The following ST18 variants were observed in gnomAD, a reference collection of about 807,000 sequenced individuals.
ST18 encodes suppression of tumorigenicity 18 protein.
In ST18, 50 loss-of-function variants were observed where a neutral mutation model predicts 110.0. The observed-to-expected ratio is 0.45, with a 90% confidence interval of 0.36 to 0.58. The LOEUF (loss-of-function observed/expected upper bound fraction) is 0.58, where lower values mean the gene tolerates loss of function less well. Ranked by LOEUF, ST18 falls within the 20% of genes least tolerant of loss-of-function variation. ST18 has a pLI of 0.00. For synonymous variants in ST18, 461 were observed against 452.4 expected, an observed-to-expected ratio of 1.02 and a Z score of -0.24; for missense variants, 1,306 against 1,280.1, an observed-to-expected ratio of 1.02 and a Z score of -0.31.
At chr8:52,344,868 C>T (rs985748189) in intron 2 of ST18, among the ~76,000 whole-genome samples, 1 of 151,974 alleles carries the variant, frequency 6.6e-6, no homozygotes, top group African/African-American at 2.4e-5. Flanking sequence ...GTGCCAATAA[C>T]CATGTTTAGC....
At chr8:52,162,879 GT>G (rs1200780830) in intron 13 of ST18, among the ~76,000 whole-genome samples, 2 of 151,718 alleles carry the variant, frequency 1.3e-5, no homozygotes, top group Admixed American at 6.6e-5. Flanking sequence ...TTTCCAATGA[GT>G]TTTTTTTGGA....
intron 23 of ST18, among the ~76,000 whole-genome samples, chr8:52,119,674 A>T (rs529245940): frequency 6.6e-6 from 1 of 152,308 alleles, no homozygotes; most frequent in South Asian, 2.1e-4. Context: ...TGCTCGCCAA[A>T]AGCACAACTT....
At chr8:52,296,407 G>C (rs1216833322) in intron 2 of ST18, 1 of 152,128 alleles carries the variant, frequency 6.6e-6, no homozygotes, top group South Asian at 2.1e-4. Context: ...CTAGACGGGG[G>C]GAACTCCCCT....
At chr8:52,119,810 G>A (rs1410772305) in intron 23 of ST18, among the ~76,000 whole-genome samples, 1 of 152,156 alleles carries the variant, frequency 6.6e-6, no homozygotes, top group Non-Finnish European at 1.5e-5. Context: ...TATTCTGTGG[G>A]TACTTACTGC....
At chr8:52,344,092 AT>A (rs1816507335) in intron 2 of ST18, among the ~76,000 whole-genome samples, 2 of 152,234 alleles carry the variant, frequency 1.3e-5, no homozygotes, top group Non-Finnish European at 2.9e-5. Flanking sequence ...CTGTACAGCT[AT>A]TAATACTAAG....
At chr8:52,406,378 A>T (rs939742695) in intron 2 of ST18, 9 of 152,472 alleles carry the variant, frequency 5.9e-5, no homozygotes, top group African/African-American at 2.2e-4. Flanking sequence ...GCACAGAATG[A>T]TTCTCACAGG....
At chr8:52,177,887 C>T (rs1278273722) in intron 9 of ST18, among the ~76,000 whole-genome samples, 5 of 152,098 alleles carry the variant, frequency 3.3e-5, no homozygotes, top group Admixed American at 1.3e-4. Context: ...GTGGATTAAT[C>T]GATATCATTT....
At chr8:52,232,452 C>A (rs569186609) in intron 2 of ST18, among the ~76,000 whole-genome samples, 3 of 152,046 alleles carry the variant, frequency 2.0e-5, no homozygotes, top group African/African-American at 7.2e-5. Flanking sequence ...CAAATTTAAA[C>A]GTCAAATAAA....
At chr8:52,239,171 T>C (rs2137456984) in intron 2 of ST18, among the ~76,000 whole-genome samples, 1 of 152,308 alleles carries the variant, frequency 6.6e-6, no homozygotes, top group East Asian at 1.9e-4. Flanking sequence ...GATGAGTTGT[T>C]GCCCAGGGTT....
chr8:52,339,512 G>A (rs910414518), intron 2 of ST18, among the ~76,000 whole-genome samples: 1 of 152,200 alleles, frequency 6.6e-6, no homozygotes, highest in Admixed American at 6.5e-5. Flanking sequence ...CAGATCTTGG[G>A]GGCCACCTCA....
chr8:52,231,567 T>C (rs2091363879), intron 2 of ST18, among the ~76,000 whole-genome samples: 1 of 151,442 alleles, frequency 6.6e-6, no homozygotes, highest in Non-Finnish European at 1.5e-5. Flanking sequence ...AACCTCCGCC[T>C]CCGGGTTCAA....
intron 2 of ST18, among the ~76,000 whole-genome samples, chr8:52,240,926 A>G (rs1375636541): frequency 6.6e-6 from 1 of 152,186 alleles, no homozygotes. Flanking sequence ...TTTCAGATCC[A>G]CTGATCAGCT....
intron 2 of ST18, among the ~76,000 whole-genome samples, chr8:52,387,052 C>G (rs765947704): frequency 1.3e-5 from 2 of 152,150 alleles, no homozygotes; most frequent in Non-Finnish European, 2.9e-5. Flanking sequence ...AGTTAGAATA[C>G]TAAATTTACA....
At chr8:52,367,999 C>T (rs1828812491) in intron 2 of ST18, among the ~76,000 whole-genome samples, 1 of 152,166 alleles carries the variant, frequency 6.6e-6, no homozygotes. Context: ...ATCATTTTCA[C>T]TTGGGATTTT....
chr8:52,287,783 C>T (rs1014804605), intron 2 of ST18, among the ~76,000 whole-genome samples: 2 of 152,174 alleles, frequency 1.3e-5, no homozygotes, highest in African/African-American at 4.8e-5. Flanking sequence ...AACTAAGAGG[C>T]ATTTTTAAAA....
chr8:52,118,294 G>T lies in ST18; in HGVS notation c.2859+44C>A, dbSNP rs1305645871. The T allele has an allele frequency of 3.0e-6, 4 of 1,324,006 alleles. No homozygotes were observed. The African/African-American group carries it at 5.9e-5, about 20-fold the overall frequency. The allele number at this position is 1,324,006 out of a possible 1,614,324, so 82.0% of individuals were successfully genotyped here. ...ATTTCAATGTTTTGTTTCCACCAAA[G>T]ATTATGATTACATTAAGGATCATGA... is the stretch of plus-strand genomic sequence containing the variant. On this transcript the variant is annotated intron_variant, in intron 24 of 25. Transcript: ENST00000689386.
At chr8:52,336,391 TC>T (rs747352216) in intron 2 of ST18, among the ~76,000 whole-genome samples, 16 of 152,146 alleles carry the variant, frequency 1.1e-4, no homozygotes, top group Non-Finnish European at 1.9e-4. Flanking sequence ...CATCAAGTGA[TC>T]TGCCCACCTT....
At chr8:52,144,465 C>T (rs935395383) in intron 16 of ST18, among the ~76,000 whole-genome samples, 9 of 151,978 alleles carry the variant, frequency 5.9e-5, no homozygotes, top group East Asian at 1.9e-4. Context: ...TTCTAAATGC[C>T]GATCTCAGTC....
chr8:52,201,756 C>A (rs1476973006), intron 8 of ST18, among the ~76,000 whole-genome samples: 1 of 152,202 alleles, frequency 6.6e-6, no homozygotes, highest in Non-Finnish European at 1.5e-5. Context: ...CAGTCTGAGA[C>A]CACGCCCGTC....
Sources: gnomAD v4.1 joint callset for allele counts (sites outside exome capture counted in the v4.1 genomes callset) on GRCh38, gnomAD v4.1.1 for gene constraint, MANE v1.5 for transcripts, NCBI Gene and HGNC (gene_info 2026-07-23, HGNC 2026-07-21) for gene names.